Variants in ATP9B observed in about 807,000 individuals in gnomAD.
ATP9B encodes ATPase phospholipid transporting 9B.
Under a neutral mutation model 146.1 loss-of-function variants are expected in ATP9B, and 110 were observed. The observed-to-expected ratio is 0.75, with a 90% confidence interval of 0.65 to 0.88. The LOEUF (loss-of-function observed/expected upper bound fraction) is 0.88, where lower values mean the gene tolerates loss of function less well. Ranked by LOEUF, ATP9B falls within the 40% of genes least tolerant of loss-of-function variation. The pLI, the probability that ATP9B is intolerant of heterozygous loss-of-function variation, is 0.00. For synonymous variants in ATP9B, 604 were observed against 569.7 expected (o/e 1.06, Z -0.86); for missense variants, 1,499 against 1,496.4 (o/e 1.00, Z -0.03).
At chr18:79,131,569 T>G (rs2094378924) in intron 5 of ATP9B, among the ~76,000 whole-genome samples, 5 of 152,222 alleles carry the variant, frequency 3.3e-5, no homozygotes, top group Admixed American at 3.3e-4. Context: ...GCACATTGCT[T>G]GTGGGAACAA....
At chr18:79,119,724 C>T (rs1539897) in intron 4 of ATP9B, among the ~76,000 whole-genome samples, 2 of 152,100 alleles carry the variant, frequency 1.3e-5, no homozygotes, top group Admixed American at 6.5e-5. Flanking sequence ...GATTTTCTTT[C>T]GTTCCTTGGT....
intron 11 of ATP9B, among the ~76,000 whole-genome samples, chr18:79,219,258 T>G (rs1052794623): frequency 1.3e-5 from 2 of 152,008 alleles, no homozygotes; most frequent in African/African-American, 4.8e-5. Context: ...GAGAGTGCTG[T>G]GTTGAGGGAG....
intron 17 of ATP9B, among the ~76,000 whole-genome samples, chr18:79,335,302 G>T (rs1315294959): frequency 1.3e-5 from 2 of 152,192 alleles, no homozygotes; most frequent in African/African-American, 4.8e-5. Flanking sequence ...GAACTTCCAG[G>T]ACTGGGATGT....
At position 79,359,470 on chromosome 18, in the gene ATP9B, C is replaced by A. The variant is rs370119191; in HGVS notation, c.3012+8C>A. The A allele has an allele frequency of 1.9e-6, 3 of 1,604,102 alleles. No homozygotes were observed. The highest frequency in any genetic ancestry group is 2.6e-6 in the Non-Finnish European group (3 of 1,171,042). ...TACAAGGACCTCACCAAGGTACGGG[C>A]CTCAGGCAAGCTGTCTGCCTCACGA... On this transcript the variant is annotated splice_region_variant and intron_variant, in intron 26 of 29. Coordinates refer to ENST00000426216, the MANE Select transcript of ATP9B (RefSeq NM_198531.5).
intron 1 of ATP9B, among the ~76,000 whole-genome samples, chr18:79,090,244 G>T (rs961216674): frequency 1.3e-5 from 2 of 152,170 alleles, no homozygotes; most frequent in Non-Finnish European, 2.9e-5. Flanking sequence ...AGGAATGCAG[G>T]TATCTCTTTG....
rs537962167 is a variant in ATP9B at position 79,133,779 on chromosome 18, G to A, written c.667+7404G>A. 1.2e-4 allele frequency among the ~76,000 whole-genome samples: 18 copies of A among 152,324 alleles called. 1 individual carries two copies. The East Asian group carries it at 3.5e-3, about 29-fold the overall frequency. ...TAGGTCTCACCAGTGCTTCTAACCAGGGAGATACTTCTTAGTCACTAAAGC... is the reference window on the plus strand; with the variant it reads ...TAGGTCTCACCAGTGCTTCTAACCAAGGAGATACTTCTTAGTCACTAAAGC... On this transcript the variant is annotated intron_variant, in intron 5 of 29. Transcript: ENST00000426216.
intron 11 of ATP9B, among the ~76,000 whole-genome samples, chr18:79,221,409 A>G (rs938728780): frequency 6.6e-6 from 1 of 152,226 alleles, no homozygotes; most frequent in Non-Finnish European, 1.5e-5. Context: ...TCATTGAGGA[A>G]CAGTGTGTGT....
intron 7 of ATP9B, among the ~76,000 whole-genome samples, chr18:79,164,521 C>A (rs1245032819): frequency 6.6e-6 from 1 of 152,064 alleles, no homozygotes; most frequent in African/African-American, 2.4e-5. Flanking sequence ...CGGGACCATC[C>A]TGGCTAACAT....
intron 25 of ATP9B, chr18:79,352,732 G>A (rs2147682381): frequency 6.6e-6 from 1 of 152,288 alleles, no homozygotes; most frequent in Non-Finnish European, 1.5e-5. Flanking sequence ...CTCAGAGGAG[G>A]GCCAGGCTCT....
chr18:79,152,711 T>G (rs531960375), intron 6 of ATP9B, among the ~76,000 whole-genome samples: 1 of 152,318 alleles, frequency 6.6e-6, no homozygotes, highest in African/African-American at 2.4e-5. Context: ...CTAGATAGAT[T>G]TTTGTGTTTA....
Position 79,359,356 on chromosome 18 carries a change from A to G in ATP9B, c.2906A>G (p.Tyr969Cys), listed in dbSNP as rs748491078. Residue 969 changes from tyrosine to cysteine, a missense_variant and splice_region_variant, in exon 26 of 30, where the codon TAT (tyrosine) becomes TGT (cysteine). Coordinates refer to ENST00000426216, the MANE Select transcript of ATP9B (RefSeq NM_198531.5). Reference sequence around the variant, plus strand: ...GCACTCCGCTCTTGGTCTTGCAGGTATGCCACCATATACACCATGTTCCCA... The same window carrying G: ...GCACTCCGCTCTTGGTCTTGCAGGTGTGCCACCATATACACCATGTTCCCA... ...PLYQGFLMVG[Y>C]ATIYTMFPVF... 6.2e-7 allele frequency: 1 copy of G among 1,612,016 alleles called. No individual in the cohort carries two copies. The highest frequency in any genetic ancestry group is 1.3e-5 in the African/African-American group (1 of 74,998).
In ATP9B at chr18:79,345,598, G is replaced by A. The variant is rs201743819; in HGVS notation, c.2617+26G>A. On this transcript the variant is annotated intron_variant, in intron 22 of 29. Coordinates refer to ENST00000426216, the MANE Select transcript of ATP9B (RefSeq NM_198531.5). The stretch of plus-strand genomic sequence containing the variant: ...GTGAGAGCCGCCCACCCTGCTCACA[G>A]GGAGGTCTCCAGAGAAACCCGTAGG... 7.6e-5 allele frequency: 122 copies of A among 1,602,314 alleles called. 2 individuals are homozygous for A. The East Asian group carries it at 2.4e-3, about 31-fold the overall frequency.
intron 5 of ATP9B, among the ~76,000 whole-genome samples, chr18:79,137,121 A>G (rs2094457200): frequency 6.6e-6 from 1 of 152,110 alleles, no homozygotes; most frequent in African/African-American, 2.4e-5. Flanking sequence ...TTTTATCTCA[A>G]GCATTGTTTT....
At chr18:79,126,486 T>A in intron 5 of ATP9B, 111 bp downstream of exon 5, 1 of 720,770 alleles carries the variant, frequency 1.4e-6, no homozygotes, top group Non-Finnish European at 2.2e-6. Context: ...AAAATAGTAT[T>A]ATGTGATTGT....
chr18:79,097,236 A>C (rs1227613599), intron 2 of ATP9B, among the ~76,000 whole-genome samples: 4 of 151,718 alleles, frequency 2.6e-5, no homozygotes. Flanking sequence ...TTGCTCTATC[A>C]ACATTTATAA....
At chr18:79,354,279 C>CA (rs1251192896) in intron 25 of ATP9B, 2 of 151,762 alleles carry the variant, frequency 1.3e-5, no homozygotes, top group African/African-American at 2.4e-5. Context: ...TTAACAACAA[C>CA]AAAAAAAACC....
Position 79,176,811 on chromosome 18 carries a change from A to G in ATP9B, c.779-2A>G. 3.7e-6 allele frequency: 6 copies of G among 1,613,660 alleles called. No individual in the cohort carries two copies. Among genetic ancestry groups the G allele is most frequent in the Non-Finnish European group, 4.2e-6 (5 of 1,179,636 alleles). ...GGTAAATTTTTATTCTCTACTTCCA[A>G]GGTTCGTGTTTTATTCGAACTGATC... On this transcript the variant is annotated splice_acceptor_variant, in intron 7 of 29. Transcript: ENST00000426216. LOFTEE classifies it high-confidence loss of function.
chr18:79,308,334 A>G (rs2096630573), intron 15 of ATP9B, among the ~76,000 whole-genome samples: 1 of 152,232 alleles, frequency 6.6e-6, no homozygotes, highest in Non-Finnish European at 1.5e-5. Context: ...ACATGAGAAC[A>G]AAGACCCGTA....
At chr18:79,105,796 C>T (rs1300553331) in intron 2 of ATP9B, among the ~76,000 whole-genome samples, 1 of 152,166 alleles carries the variant, frequency 6.6e-6, no homozygotes, top group African/African-American at 2.4e-5. Flanking sequence ...ATTCCTAGTT[C>T]TAATGTCCTC....
Sources: allele counts gnomAD v4.1 joint callset (sites outside exome capture counted in the v4.1 genomes callset), GRCh38; gene constraint gnomAD v4.1.1; transcripts MANE v1.5; gene names NCBI Gene and HGNC (gene_info 2026-07-23, HGNC 2026-07-21).